The following ELMO1 variants were observed in gnomAD, a reference collection of about 807,000 sequenced individuals.
ELMO1 encodes engulfment and cell motility 1, also known as engulfment and cell motility protein 1.
Under a neutral mutation model 98.9 loss-of-function variants are expected in ELMO1, and 26 were observed. That is an observed-to-expected ratio of 0.26 (90% CI 0.19 to 0.36). The LOEUF is 0.36. Among genes scored for constraint, ELMO1 ranks in the 10% least tolerant of loss-of-function variants. The probability of loss-of-function intolerance (pLI) is 1.00; values close to 1 mark genes in which losing one functional copy is unlikely to be tolerated. For synonymous variants in ELMO1, 346 were observed against 346.0 expected, an observed-to-expected ratio of 1.00 and a Z score of 0.00; for missense variants, 627 against 935.2, an observed-to-expected ratio of 0.67 and a Z score of 4.30.
intron 16 of ELMO1, chr7:36,919,243 T>A: frequency 5.4e-6 from 2 of 371,228 alleles, no homozygotes; most frequent in Middle Eastern, 8.1e-4. Context: ...ATTTGGTTAA[T>A]AGTGACTAGG....
intron 1 of ELMO1, among the ~76,000 whole-genome samples, chr7:37,384,496 G>A (rs1209798456): frequency 1.3e-5 from 2 of 152,030 alleles, no homozygotes; most frequent in African/African-American, 2.4e-5. Flanking sequence ...CGAGGTGGGC[G>A]GATCACGAGG....
At chr7:36,891,134 C>T (rs1350146054) in intron 17 of ELMO1, among the ~76,000 whole-genome samples, 1 of 152,252 alleles carries the variant, frequency 6.6e-6, no homozygotes, top group Non-Finnish European at 1.5e-5. Flanking sequence ...TGCTTTGTGT[C>T]TCCACTGCAT....
At chr7:36,959,158 C>T (rs1788723130) in intron 16 of ELMO1, among the ~76,000 whole-genome samples, 1 of 152,124 alleles carries the variant, frequency 6.6e-6, no homozygotes, top group Non-Finnish European at 1.5e-5. Flanking sequence ...CTCTACCTTT[C>T]AAATAAATTC....
At chr7:37,104,461 G>A (rs7809487) in intron 14 of ELMO1, among the ~76,000 whole-genome samples, 37,908 of 152,086 alleles carry the variant, frequency 0.25, 5,774 homozygotes, top group African/African-American at 0.43. Flanking sequence ...ACCAAGTCCT[G>A]AAGTTTTCTG....
intron 4 of ELMO1, among the ~76,000 whole-genome samples, chr7:37,301,547 T>C (rs983415573): frequency 1.3e-5 from 2 of 149,990 alleles, no homozygotes; most frequent in African/African-American, 4.9e-5. Context: ...AGAGCTGCAG[T>C]TCACCCACCC....
intron 1 of ELMO1, among the ~76,000 whole-genome samples, chr7:37,348,529 T>C (rs1328725937): frequency 6.6e-6 from 1 of 152,240 alleles, no homozygotes. Context: ...TTAAGTGGTG[T>C]GTTTATAGTT....
At chr7:37,014,572 C>G (rs1190838342) in intron 15 of ELMO1, among the ~76,000 whole-genome samples, 2 of 152,122 alleles carry the variant, frequency 1.3e-5, no homozygotes, top group Non-Finnish European at 2.9e-5. Context: ...CCATCACCTA[C>G]GTTTTAAGCC....
At chr7:37,241,094 C>T (rs1436205759) in intron 7 of ELMO1, among the ~76,000 whole-genome samples, 1 of 151,946 alleles carries the variant, frequency 6.6e-6, no homozygotes, top group African/African-American at 2.4e-5. Flanking sequence ...CTCTTTTTCT[C>T]CTTAGTAGTC....
At chr7:37,074,488 G>C (rs1797454438) in intron 15 of ELMO1, among the ~76,000 whole-genome samples, 1 of 152,208 alleles carries the variant, frequency 6.6e-6, no homozygotes. Flanking sequence ...CTGAGACATA[G>C]CTGATGTCCA....
intron 1 of ELMO1, among the ~76,000 whole-genome samples, chr7:37,393,270 C>T (rs1803159002): frequency 2.6e-5 from 4 of 152,176 alleles, no homozygotes; most frequent in African/African-American, 4.8e-5. Flanking sequence ...CCACTAATAC[C>T]TTAGTGAAGA....
intron 13 of ELMO1, among the ~76,000 whole-genome samples, chr7:37,148,716 G>A (rs139254953): frequency 1.3e-5 from 2 of 152,156 alleles, no homozygotes; most frequent in African/African-American, 4.8e-5. Context: ...ACTCAGCTGA[G>A]TGCATGGGGG....
At chr7:37,163,787 G>A (rs974513566) in intron 13 of ELMO1, among the ~76,000 whole-genome samples, 7 of 152,016 alleles carry the variant, frequency 4.6e-5, no homozygotes, top group Admixed American at 2.6e-4. Context: ...GAATAGTGCC[G>A]CAATAAACAT....
At chr7:37,074,089 T>C (rs1322376874) in intron 15 of ELMO1, among the ~76,000 whole-genome samples, 1 of 148,228 alleles carries the variant, frequency 6.7e-6, no homozygotes, top group Non-Finnish European at 1.5e-5. Context: ...AGTATAAATA[T>C]ATAGTATGCA....
intron 16 of ELMO1, among the ~76,000 whole-genome samples, chr7:36,987,411 A>T (rs576489930): frequency 8.5e-5 from 13 of 152,286 alleles, no homozygotes; most frequent in African/African-American, 2.9e-4. Context: ...TTCCACAGAG[A>T]TTGATGGAAA....
In ELMO1 at chr7:36,855,661, T is replaced by C. The variant is rs757503801; in HGVS notation, c.2074A>G (p.Met692Val). Residue 692 changes from methionine (M) to valine (V), a missense_variant, in exon 22 of 22, where the codon ATG becomes GTG. Met to Val is a conservative substitution (Grantham distance 21, BLOSUM62 1). This residue lies in a region of ELMO1 where 492 missense variants were observed against 715.6 expected (regional missense o/e 0.69). Transcript: ENST00000310758. The surrounding 1 kb of genome is among the most constrained non-coding windows in gnomAD (Gnocchi z 4.2). ...TRNDLDTLLS[M>V]EIKLRLLDLE... is the part of the protein sequence containing the mutation. ...TCCAGGAGGCGGAGCTTGATTTCCATGCTGAGCAGGGTGTCCAGGTCATTC... is the reference window on the plus strand; with the variant it reads ...TCCAGGAGGCGGAGCTTGATTTCCACGCTGAGCAGGGTGTCCAGGTCATTC... 6.2e-7 allele frequency: 1 copy of C among 1,614,158 alleles called. No individual in the cohort carries two copies. Among genetic ancestry groups the C allele is most frequent in the Non-Finnish European group, 8.5e-7 (1 of 1,180,000 alleles).
chr7:36,862,038 C>T (rs1584264610), intron 20 of ELMO1: 3 of 348,188 alleles, frequency 8.6e-6, no homozygotes, highest in Middle Eastern at 8.5e-4. Flanking sequence ...GTGACAGCAC[C>T]GCCTGCCTCC....
intron 15 of ELMO1, among the ~76,000 whole-genome samples, chr7:37,023,938 T>C (rs1472229017): frequency 1.3e-5 from 2 of 152,188 alleles, no homozygotes; most frequent in Admixed American, 1.3e-4. Context: ...ACTGCAGATG[T>C]CAATGCAAAA....
chr7:36,905,707 A>G (rs116726618), intron 16 of ELMO1, among the ~76,000 whole-genome samples: 3,612 of 152,296 alleles, frequency 0.024, 145 homozygotes, highest in African/African-American at 0.082. Flanking sequence ...CTCAATGGCT[A>G]TGAATATTGG....
intron 15 of ELMO1, among the ~76,000 whole-genome samples, chr7:37,080,034 C>A (rs927369261): frequency 4.6e-5 from 7 of 152,216 alleles, no homozygotes; most frequent in Admixed American, 2.0e-4. Flanking sequence ...AACTCCTAAT[C>A]TTCTATGCCC....
Sources: allele counts gnomAD v4.1 joint callset (sites outside exome capture counted in the v4.1 genomes callset), GRCh38; gene constraint gnomAD v4.1.1; regional missense constraint gnomAD v4.1.1; non-coding constraint Gnocchi (gnomAD v3.1); transcripts MANE v1.5; gene names NCBI Gene and HGNC (gene_info 2026-07-23, HGNC 2026-07-21).